The following TMEM131L variants were observed in gnomAD, a reference collection of about 807,000 sequenced individuals.
TMEM131L encodes the protein transmembrane 131 like, also known as transmembrane protein 131-like.
Under a neutral mutation model 192.2 loss-of-function variants are expected in TMEM131L, and 54 were observed. That is an observed-to-expected ratio of 0.28 (90% CI 0.23 to 0.35). The LOEUF (loss-of-function observed/expected upper bound fraction) is 0.35, where lower values mean the gene tolerates loss of function less well. Among genes scored for constraint, TMEM131L ranks in the 10% least tolerant of loss-of-function variants. TMEM131L has a pLI of 1.00. For synonymous variants in TMEM131L, 701 were observed against 704.9 expected (o/e 0.99, Z 0.09); for missense variants, 1,888 against 1,972.9 (o/e 0.96, Z 0.82).
intron 16 of TMEM131L, among the ~76,000 whole-genome samples, chr4:153,590,321 C>T (rs1055002181): frequency 6.6e-6 from 1 of 152,178 alleles, no homozygotes; most frequent in African/African-American, 2.4e-5. Context: ...TTAAATGTTT[C>T]TGGCAAGAAT....
At chr4:153,498,689 A>G (rs1311859912) in intron 3 of TMEM131L, among the ~76,000 whole-genome samples, 1 of 152,196 alleles carries the variant, frequency 6.6e-6, no homozygotes, top group African/African-American at 2.4e-5. Flanking sequence ...TTTGGTCCCC[A>G]GGGTCTTCTC....
rs1561253127 is a variant in TMEM131L, at chr4:153,622,889, T to G, written c.3860-9T>G. On this transcript the variant is annotated splice_polypyrimidine_tract_variant and intron_variant, in intron 28 of 34. Coordinates refer to ENST00000409959, the MANE Select transcript of TMEM131L (RefSeq NM_001131007.2). Reference sequence around the variant, plus strand: ...TTCAGGGAAACATGACTCCTTTCACTTCCTCCAGAAGGTTACTACCAGAAG... The same window carrying G: ...TTCAGGGAAACATGACTCCTTTCACGTCCTCCAGAAGGTTACTACCAGAAG... 1 of 1,614,024 alleles carries G rather than the reference T, an allele frequency of 6.2e-7. No individual in the cohort carries two copies. The highest frequency in any genetic ancestry group is 2.2e-5 in the East Asian group (1 of 44,886).
intron 3 of TMEM131L, among the ~76,000 whole-genome samples, chr4:153,512,938 A>G (rs894543505): frequency 6.6e-6 from 1 of 152,218 alleles, no homozygotes; most frequent in South Asian, 2.1e-4. Flanking sequence ...GTTATTTTAC[A>G]TGTGCAGGCT....
intron 3 of TMEM131L, among the ~76,000 whole-genome samples, chr4:153,518,287 C>A (rs1561151314): frequency 6.6e-6 from 1 of 152,188 alleles, no homozygotes; most frequent in Non-Finnish European, 1.5e-5. Context: ...CCGAGCACTT[C>A]TTGTGGGATG....
chr4:153,518,720 G>T (rs1028759670), intron 3 of TMEM131L, among the ~76,000 whole-genome samples: 2 of 152,136 alleles, frequency 1.3e-5, no homozygotes, highest in African/African-American at 2.4e-5. Context: ...GTATATGTTG[G>T]TACGAGTTTA....
chr4:153,514,694 A>T (rs887618109), intron 3 of TMEM131L, among the ~76,000 whole-genome samples: 3 of 152,220 alleles, frequency 2.0e-5, no homozygotes, highest in Non-Finnish European at 2.9e-5. Context: ...CCTGTTAAAA[A>T]TTTTTTTGTA....
chr4:153,536,191 G>T (rs1338024459), intron 3 of TMEM131L, among the ~76,000 whole-genome samples: 1 of 152,092 alleles, frequency 6.6e-6, no homozygotes, highest in Non-Finnish European at 1.5e-5. Flanking sequence ...CCTGGCCACT[G>T]GGGGGGTTAA....
chr4:153,483,791 A>G (rs1018650233), intron 3 of TMEM131L, among the ~76,000 whole-genome samples: 13 of 152,290 alleles, frequency 8.5e-5, no homozygotes, highest in African/African-American at 3.1e-4. Context: ...GTTGAGAACC[A>G]AACTTACATT....
intron 3 of TMEM131L, among the ~76,000 whole-genome samples, chr4:153,534,585 T>C (rs954784159): frequency 1.3e-5 from 2 of 152,052 alleles, no homozygotes; most frequent in Non-Finnish European, 1.5e-5. Flanking sequence ...AGGCGTGTGC[T>C]ACCACGCCCG....
chr4:153,615,473 G>A (rs1460520397), intron 26 of TMEM131L, among the ~76,000 whole-genome samples: 1 of 152,236 alleles, frequency 6.6e-6, no homozygotes, highest in Non-Finnish European at 1.5e-5. Flanking sequence ...AGGGCCTTGA[G>A]TTCAAACTTT....
At chr4:153,558,210 T>C in intron 6 of TMEM131L, 48 bp from the exon 7 acceptor site, 3 of 1,003,668 alleles carry the variant, frequency 3.0e-6, no homozygotes, top group Non-Finnish European at 4.7e-6. Context: ...ATGGCAAATG[T>C]GTTTTAAAAC....
intron 29 of TMEM131L, among the ~76,000 whole-genome samples, chr4:153,624,554 T>A (rs1260756960): frequency 6.6e-6 from 1 of 152,272 alleles, no homozygotes; most frequent in Non-Finnish European, 1.5e-5. Context: ...TTCCTGTTTG[T>A]ATGGCACCTT....
intron 3 of TMEM131L, among the ~76,000 whole-genome samples, chr4:153,520,889 G>A (rs1371852084): frequency 7.2e-5 from 11 of 152,208 alleles, no homozygotes; most frequent in Admixed American, 7.2e-4. Context: ...GGTAATTGTA[G>A]CTTCTGCTTT....
At chr4:153,477,862 C>T (rs1731658591) in intron 3 of TMEM131L, among the ~76,000 whole-genome samples, 1 of 152,102 alleles carries the variant, frequency 6.6e-6, no homozygotes. Context: ...TTAAAGTGCA[C>T]AGTTGGTTTT....
At chr4:153,484,270 A>G (rs1358088172) in intron 3 of TMEM131L, among the ~76,000 whole-genome samples, 1 of 152,178 alleles carries the variant, frequency 6.6e-6, no homozygotes, top group East Asian at 1.9e-4. Flanking sequence ...TTGCTGTGGT[A>G]GTCTAGGCAG....
Position 153,604,049 on chromosome 4 carries a change from T to C in TMEM131L, c.3037T>C (p.Ser1013Pro). The C allele has an allele frequency of 6.2e-7, 1 of 1,614,154 alleles. No individual in the cohort carries two copies. Among genetic ancestry groups the C allele is most frequent in the Non-Finnish European group, 8.5e-7 (1 of 1,180,016 alleles). Residue 1013 changes from serine to proline, a missense_variant, in exon 25 of 35, where the codon TCA (serine) becomes CCA (proline). Transcript: ENST00000409959. Reference protein sequence around the residue: ...EEKQTSPLGSSLPAAKEDICT... With the variant: ...EEKQTSPLGSPLPAAKEDICT... ...AAAACAGACTTCACCCCTGGGCAGC[T>C]CACTGCCTGCTGCTAAAGAGGACAT...
chr4:153,604,271 A>G lies in TMEM131L; in HGVS notation c.3259A>G (p.Lys1087Glu). Residue 1087 changes from lysine (K) to glutamate (E), a missense_variant, in exon 25 of 35, where the codon AAG becomes GAG. By Grantham distance (56) the Lys-to-Glu change is moderately conservative. Coordinates refer to ENST00000409959, the MANE Select transcript of TMEM131L (RefSeq NM_001131007.2). ...GGGAATACAGACATGTATGTTTCCT[A>G]AGGAAACTGACATTAAAACTTCAGA... ...KEGIQTCMFPKETDIKTSENT... is the reference protein window; with the variant it reads ...KEGIQTCMFPEETDIKTSENT... The G allele has an allele frequency of 6.2e-7, 1 of 1,614,028 alleles. No individual in the cohort carries two copies. Among genetic ancestry groups the G allele is most frequent in the Middle Eastern group, 1.6e-4 (1 of 6,062 alleles).
intron 3 of TMEM131L, among the ~76,000 whole-genome samples, chr4:153,517,878 G>A (rs1734844345): frequency 6.6e-6 from 1 of 152,118 alleles, no homozygotes; most frequent in African/African-American, 2.4e-5. Context: ...CTAACTCTTT[G>A]GTTCACCTTG....
At chr4:153,473,917 C>A in intron 3 of TMEM131L, 29 bp downstream of exon 3, 6 of 1,514,328 alleles carry the variant, frequency 4.0e-6, no homozygotes, top group Non-Finnish European at 5.4e-6. Flanking sequence ...TGGAAACCTG[C>A]ATGCTGAATG....
Sources: gnomAD v4.1 joint callset for allele counts (sites outside exome capture counted in the v4.1 genomes callset) on GRCh38, gnomAD v4.1.1 for gene constraint, MANE v1.5 for transcripts, NCBI Gene and HGNC (gene_info 2026-07-23, HGNC 2026-07-21) for gene names.